The following CYP20A1 variants were observed in gnomAD, a reference collection of about 807,000 sequenced individuals.
CYP20A1 encodes the protein cytochrome P450 family 20 subfamily A member 1.
Under a neutral mutation model 61.4 loss-of-function variants are expected in CYP20A1, and 61 were observed. The ratio of observed to expected loss-of-function variants is 0.99; its 90% CI spans 0.81 to 1.23. CYP20A1 has a LOEUF of 1.23. Ranked by LOEUF, CYP20A1 falls within the 50% of genes most tolerant of loss-of-function variation. The pLI, the probability that CYP20A1 is intolerant of heterozygous loss-of-function variation, is 0.00. For missense variants in CYP20A1, 530 were observed against 542.4 expected, an observed-to-expected ratio of 0.98 and a Z score of 0.23; for synonymous variants, 193 against 188.2, an observed-to-expected ratio of 1.03 and a Z score of -0.21.
intron 8 of CYP20A1, among the ~76,000 whole-genome samples, chr2:203,280,334 G>GA (rs1335928071): frequency 6.6e-6 from 1 of 152,130 alleles, no homozygotes; most frequent in Non-Finnish European, 1.5e-5. Flanking sequence ...TCAAGAGGAT[G>GA]AATCACGAGG....
chr2:203,248,633 T>G (rs1224424491), intron 3 of CYP20A1, among the ~76,000 whole-genome samples: 3 of 152,186 alleles, frequency 2.0e-5, no homozygotes, highest in Non-Finnish European at 4.4e-5. Flanking sequence ...AAAGATAGCA[T>G]TTTATGACAA....
intron 6 of CYP20A1, among the ~76,000 whole-genome samples, 159 bp downstream of exon 6, chr2:203,272,907 G>T (rs1411652191): frequency 6.6e-6 from 1 of 151,402 alleles, no homozygotes; most frequent in Non-Finnish European, 1.5e-5. Context: ...GAGTGCAGTG[G>T]TGCGATCTCG....
chr2:203,263,019 A>G (rs553372070), intron 4 of CYP20A1, among the ~76,000 whole-genome samples: 281 of 143,638 alleles, frequency 2.0e-3, no homozygotes, highest in Non-Finnish European at 3.3e-3. Context: ...TTTGAGACGA[A>G]GTCTTGCTCT....
chr2:203,292,661 G>A (rs1014851279), intron 11 of CYP20A1, among the ~76,000 whole-genome samples: 3 of 152,078 alleles, frequency 2.0e-5, no homozygotes, highest in Non-Finnish European at 2.9e-5. Context: ...GTTTCACCAT[G>A]TTGCCCAGGC....
chr2:203,295,149 G>A (rs1263952089), intron 11 of CYP20A1, among the ~76,000 whole-genome samples: 1 of 150,382 alleles, frequency 6.6e-6, no homozygotes, highest in Non-Finnish European at 1.5e-5. Context: ...AGTAGAGATG[G>A]GGTTTCACCG....
At chr2:203,295,793 A>T (rs1575283969) in intron 11 of CYP20A1, among the ~76,000 whole-genome samples, 1 of 152,028 alleles carries the variant, frequency 6.6e-6, no homozygotes, top group East Asian at 1.9e-4. Context: ...TACTAAAAAT[A>T]AAAAAATTAG....
Position 203,295,775 on chromosome 2 carries a change from C to T in CYP20A1, c.1149-699C>T, listed in dbSNP as rs548659332. Among the ~76,000 whole-genome samples, 19 of 151,960 alleles carry T rather than the reference C, an allele frequency of 1.3e-4. No homozygotes were observed. The East Asian group carries it at 3.5e-3, about 28-fold the overall frequency. ...ACCATCCTGGCCAACATGGTGAAAC[C>T]CCGTCTCTACTAAAAATAAAAAAAT... On this transcript the variant is annotated intron_variant, in intron 11 of 12. Transcript: ENST00000356079.
At chr2:203,241,313 T>G (rs563956252) in intron 1 of CYP20A1, among the ~76,000 whole-genome samples, 3 of 152,288 alleles carry the variant, frequency 2.0e-5, no homozygotes, top group Admixed American at 2.0e-4. Context: ...CAAGTGGAGA[T>G]GTTGAGGAGT....
chr2:203,240,344 A>G (rs1432964571), intron 1 of CYP20A1, among the ~76,000 whole-genome samples: 1 of 152,114 alleles, frequency 6.6e-6, no homozygotes, highest in East Asian at 1.9e-4. Context: ...TTAAAATGAT[A>G]CTCTTCTTTG....
chr2:203,288,087 A>T (rs1391904098), intron 9 of CYP20A1, among the ~76,000 whole-genome samples: 7 of 78,998 alleles, frequency 8.9e-5, no homozygotes, highest in East Asian at 3.6e-4. Flanking sequence ...TTTTTTTCAG[A>T]TGCAGTCCCT....
Position 203,251,791 on chromosome 2 carries a change from G to GTGTA in CYP20A1, c.290-174_290-171dup, listed in dbSNP as rs2066680448. Among the ~76,000 whole-genome samples, 6 of 14,748 alleles carry GTGTA rather than the reference G, an allele frequency of 4.1e-4. 2 individuals carry two copies. The highest frequency in any genetic ancestry group is 8.3e-4 in the Non-Finnish European group (6 of 7,254). 9.7% of individuals were successfully genotyped at this position (14,748 alleles called of 152,430 possible). On this transcript the variant is annotated intron_variant, in intron 3 of 12. Coordinates refer to ENST00000356079, the MANE Select transcript of CYP20A1 (RefSeq NM_177538.3). ...TCTCAAAAGAAAACTATATATATAT[G>GTGTA]TGTATATATATATATATATATATAT...
Position 203,301,136 on chromosome 2 carries a change from T to C in CYP20A1, c.*4228T>C, listed in dbSNP as rs562290584. ...GCTTGAACCCAGTAGGGGAAGGTTG[T>C]GGTGAGCCAAGATTGCACCATTGCA... On this transcript the variant is annotated 3_prime_UTR_variant, in exon 13 of 13. Coordinates refer to ENST00000356079, the MANE Select transcript of CYP20A1 (RefSeq NM_177538.3). 1.4e-5 allele frequency among the ~76,000 whole-genome samples: 2 copies of C among 140,328 alleles called. No homozygotes were observed. Among genetic ancestry groups the C allele is most frequent in the Non-Finnish European group, 3.0e-5 (2 of 65,670 alleles). 92.1% of individuals were successfully genotyped at this position (140,328 alleles called of 152,430 possible).
chr2:203,255,413 AATT>A (rs1454274435), intron 4 of CYP20A1, among the ~76,000 whole-genome samples: 4 of 152,166 alleles, frequency 2.6e-5, no homozygotes, highest in African/African-American at 9.7e-5. Flanking sequence ...CAAGGGCCAA[AATT>A]ATTATTATGA....
chr2:203,288,204 T>C (rs892919208), intron 9 of CYP20A1, among the ~76,000 whole-genome samples: 3 of 151,576 alleles, frequency 2.0e-5, no homozygotes, highest in African/African-American at 7.3e-5. Context: ...TAGTTGGAAT[T>C]ACAGGCATGC....
intron 1 of CYP20A1, 46 bp downstream of exon 1, chr2:203,239,180 C>A: frequency 6.6e-7 from 1 of 1,524,090 alleles, no homozygotes. Flanking sequence ...CCGCCCCAGT[C>A]TCTCTGTCGC....
In CYP20A1 at chr2:203,246,770, A is replaced by T. The variant is rs765123651; in HGVS notation, c.138A>T (p.Pro46=). 1 of 1,613,498 alleles carries T rather than the reference A, an allele frequency of 6.2e-7. No individual in the cohort carries two copies. Among genetic ancestry groups the T allele is most frequent in the African/African-American group, 1.3e-5 (1 of 74,916 alleles). The change falls in exon 3 of 13, where the codon CCA becomes CCT. Residue 46 remains proline (P), a synonymous_variant. Transcript: ENST00000356079. ...CTTTTGCCAGAGATGGTAATCTTCC[A>T]GATATTGTGAATAGTGGAAGTTTGC... ...TPTEEKDGNL[P]DIVNSGSLHE...
chr2:203,249,568 G>C (rs1575172172), intron 3 of CYP20A1, among the ~76,000 whole-genome samples: 1 of 152,208 alleles, frequency 6.6e-6, no homozygotes, highest in East Asian at 1.9e-4. Flanking sequence ...AAATAGGCCA[G>C]GCATGGTGGC....
intron 5 of CYP20A1, among the ~76,000 whole-genome samples, chr2:203,267,653 G>T (rs561206093): frequency 7.6e-4 from 115 of 151,978 alleles, no homozygotes; most frequent in African/African-American, 2.6e-3. Context: ...GACCAGACTG[G>T]CCAAGATGGT....
chr2:203,254,231 C>T (rs965259792), intron 4 of CYP20A1, among the ~76,000 whole-genome samples: 3 of 152,144 alleles, frequency 2.0e-5, no homozygotes, highest in African/African-American at 7.2e-5. Context: ...AGGCATGAGC[C>T]ACCGTGCCCG....
Sources: gnomAD v4.1 joint callset for allele counts (sites outside exome capture counted in the v4.1 genomes callset) on GRCh38, gnomAD v4.1.1 for gene constraint, MANE v1.5 for transcripts, NCBI Gene and HGNC (gene_info 2026-07-23, HGNC 2026-07-21) for gene names.